Variants in ATXN1 observed in about 807,000 individuals in gnomAD.
ATXN1 encodes the protein ataxin-1.
In ATXN1, 8 loss-of-function variants were observed where a neutral mutation model predicts 56.4. The ratio of observed to expected loss-of-function variants is 0.14; its 90% confidence interval spans 0.08 to 0.26. The LOEUF (loss-of-function observed/expected upper bound fraction) is 0.26, where lower values mean the gene tolerates loss of function less well. ATXN1 is among the 10% of genes least tolerant of loss of function. The pLI, the probability that ATXN1 is intolerant of heterozygous loss-of-function variation, is 1.00. For synonymous variants in ATXN1, 514 were observed against 494.6 expected (o/e 1.04, Z -0.52); for missense variants, 987 against 1,106.5 (o/e 0.89, Z 1.53).
At chr6:16,681,372 A>G (rs183686189) in intron 2 of ATXN1, among the ~76,000 whole-genome samples, 3 of 152,374 alleles carry the variant, frequency 2.0e-5, no homozygotes, top group African/African-American at 7.2e-5. Context: ...CCATGGGGCC[A>G]CGTGACAGCC....
chr6:16,627,069 CCCT>C (rs1185189366), intron 3 of ATXN1, among the ~76,000 whole-genome samples: 2 of 152,156 alleles, frequency 1.3e-5, no homozygotes. Context: ...GGAGCTGTGG[CCCT>C]ATAAATGGCT....
intron 6 of ATXN1, among the ~76,000 whole-genome samples, chr6:16,383,006 T>C (rs1447823681): frequency 6.6e-6 from 1 of 152,004 alleles, no homozygotes; most frequent in Non-Finnish European, 1.5e-5. Flanking sequence ...CAAGTTCCCT[T>C]TTCCCAGGAC....
At chr6:16,419,935 C>T (rs190343610) in intron 6 of ATXN1, among the ~76,000 whole-genome samples, 72 of 152,292 alleles carry the variant, frequency 4.7e-4, no homozygotes, top group Non-Finnish European at 5.4e-4. Context: ...AAGTGTGGGT[C>T]CTCATTCTCT....
At chr6:16,684,912 A>G (rs1221167915) in intron 2 of ATXN1, among the ~76,000 whole-genome samples, 1 of 151,680 alleles carries the variant, frequency 6.6e-6, no homozygotes. Flanking sequence ...TCTAAGAGTG[A>G]TAAGAGACTT....
At chr6:16,587,746 A>C (rs574003315) in intron 3 of ATXN1, among the ~76,000 whole-genome samples, 1 of 152,104 alleles carries the variant, frequency 6.6e-6, no homozygotes, top group African/African-American at 2.4e-5. Flanking sequence ...CAGCCTGGCC[A>C]ACATGGTGAA....
intron 3 of ATXN1, among the ~76,000 whole-genome samples, chr6:16,593,899 AATATATATAT>A (rs527286783): frequency 6.9e-6 from 1 of 144,732 alleles, no homozygotes; most frequent in Non-Finnish European, 1.5e-5. Flanking sequence ...TCAATAGACT[AATATATATAT>A]ATATTAGTCT....
chr6:16,631,265 G>A lies in ATXN1; in HGVS notation c.-489+26511C>T, dbSNP rs9477188. 6.9e-3 allele frequency among the ~76,000 whole-genome samples: 1,050 copies of A among 152,258 alleles called. 13 individuals are homozygous for A. The highest frequency in any genetic ancestry group is 0.019 in the African/African-American group (777 of 41,524). On this transcript the variant is annotated intron_variant, in intron 3 of 7. Coordinates refer to ENST00000436367, the MANE Select transcript of ATXN1 (RefSeq NM_001128164.2). ...TGCCCACTCTCCTTCCACTTGCAGC[G>A]TAAACACAGTGGCTCAAACTCTGTG...
intron 2 of ATXN1, among the ~76,000 whole-genome samples, chr6:16,724,785 GTCATGACTC>G (rs764394895): frequency 1.4e-3 from 216 of 152,300 alleles, no homozygotes; most frequent in African/African-American, 3.9e-3. Flanking sequence ...TTTGATTACT[GTCATGACTC>G]AGAGGCTTTA....
intron 3 of ATXN1, among the ~76,000 whole-genome samples, chr6:16,625,813 T>C (rs1763396796): frequency 6.6e-6 from 1 of 151,924 alleles, no homozygotes; most frequent in Non-Finnish European, 1.5e-5. Context: ...ATTCTGGCAA[T>C]GAAAAAACAT....
intron 6 of ATXN1, among the ~76,000 whole-genome samples, chr6:16,473,777 G>A (rs1298375741): frequency 6.6e-6 from 1 of 152,134 alleles, no homozygotes; most frequent in African/African-American, 2.4e-5. Context: ...CTACCTTGAA[G>A]GGCCTCCAAC....
At chr6:16,377,386 A>T (rs147359145) in intron 6 of ATXN1, among the ~76,000 whole-genome samples, 3 of 152,286 alleles carry the variant, frequency 2.0e-5, no homozygotes, top group Non-Finnish European at 4.4e-5. Context: ...AAGTCAGCTG[A>T]TATGAGCCTG....
chr6:16,458,205 T>C (rs1759918576), intron 6 of ATXN1, among the ~76,000 whole-genome samples: 2 of 152,120 alleles, frequency 1.3e-5, no homozygotes, highest in African/African-American at 4.8e-5. Flanking sequence ...GCCATCCCCA[T>C]TATGGATCCC....
chr6:16,558,510 A>T (rs926150295), intron 4 of ATXN1, among the ~76,000 whole-genome samples: 2 of 152,010 alleles, frequency 1.3e-5, no homozygotes, highest in African/African-American at 2.4e-5. Context: ...GAGTACAAAC[A>T]GGCGTGCGCC....
chr6:16,606,031 A>T (rs1762998359), intron 3 of ATXN1, among the ~76,000 whole-genome samples: 1 of 152,064 alleles, frequency 6.6e-6, no homozygotes. Context: ...CAGGAGGATG[A>T]GGTGGGGGGA....
chr6:16,341,804 C>T (rs139150364), intron 6 of ATXN1, among the ~76,000 whole-genome samples: 22 of 152,084 alleles, frequency 1.4e-4, no homozygotes, highest in East Asian at 7.7e-4. Flanking sequence ...TAGGCGTGAG[C>T]CACCGCACCC....
intron 2 of ATXN1, among the ~76,000 whole-genome samples, chr6:16,679,482 T>C (rs746826904): frequency 2.6e-5 from 4 of 152,122 alleles, no homozygotes; most frequent in East Asian, 1.9e-4. Context: ...AGAAGGGAAA[T>C]ATAGTGGAGT....
At chr6:16,343,768 G>T (rs576706959) in intron 6 of ATXN1, among the ~76,000 whole-genome samples, 1 of 152,224 alleles carries the variant, frequency 6.6e-6, no homozygotes, top group Non-Finnish European at 1.5e-5. Context: ...GGCTTTGCGG[G>T]CCATACACCT....
At chr6:16,753,105 C>G in intron 2 of ATXN1, 128 bp downstream of exon 2, 1 of 373,570 alleles carries the variant, frequency 2.7e-6, no homozygotes, top group Admixed American at 3.2e-5. Flanking sequence ...CACACTATGC[C>G]CAAACAGAGT....
Position 16,755,398 on chromosome 6 carries a change from A to C in ATXN1, c.-729-2051T>G, listed in dbSNP as rs1210733427. 2.0e-5 allele frequency among the ~76,000 whole-genome samples: 3 copies of C among 152,138 alleles called. No homozygotes were observed. The East Asian group carries it at 5.8e-4, about 29-fold the overall frequency. ...TAGGACATTTTATACAATAATATAC[A>C]CCAAAAATGGAATACTCAATATTTT... is the stretch of plus-strand genomic sequence containing the variant. On this transcript the variant is annotated intron_variant, in intron 1 of 7. Transcript: ENST00000436367.
Sources: allele counts gnomAD v4.1 joint callset (sites outside exome capture counted in the v4.1 genomes callset), GRCh38; gene constraint gnomAD v4.1.1; transcripts MANE v1.5; gene names NCBI Gene and HGNC (gene_info 2026-07-23, HGNC 2026-07-21).